PTPRN2: variants seen among roughly 807,000 people sequenced by gnomAD.
The protein encoded by PTPRN2 is protein tyrosine phosphatase receptor type N2.
A neutral mutation model predicts 118.8 loss-of-function variants in PTPRN2; 74 were observed. The observed-to-expected ratio is 0.62, with a 90% CI of 0.52 to 0.76. PTPRN2 has a LOEUF of 0.76. Among genes scored for constraint, PTPRN2 ranks in the 30% least tolerant of loss-of-function variants. PTPRN2 has a pLI of 0.00. For missense variants in PTPRN2, 1,481 were observed against 1,394.4 expected (o/e 1.06, Z -0.99); for synonymous variants, 641 against 608.0 (o/e 1.05, Z -0.80).
chr7:157,958,928 A>T (rs1409417520), intron 11 of PTPRN2, among the ~76,000 whole-genome samples: 1 of 152,252 alleles, frequency 6.6e-6, no homozygotes, highest in Non-Finnish European at 1.5e-5. Flanking sequence ...TCTCATGGGA[A>T]CCCAAACAAC....
rs1462983300 is a variant in PTPRN2, at chr7:157,881,856, G to A, written c.1788+16817C>T. ...AGGAATGAAAGTGAAGGTAAAGTTTGTGCCTGTAAACTACTAAAGAGCTAC... is the reference window on the plus strand; with the variant it reads ...AGGAATGAAAGTGAAGGTAAAGTTTATGCCTGTAAACTACTAAAGAGCTAC... On this transcript the variant is annotated intron_variant, in intron 12 of 22. Transcript: ENST00000389418. This position sits in a 1 kb window ranked among gnomAD's most constrained non-coding sequence, Gnocchi z 4.7. 6.6e-6 allele frequency among the ~76,000 whole-genome samples: 1 copy of A among 152,118 alleles called. No homozygotes were observed. The highest frequency in any genetic ancestry group is 2.4e-5 in the African/African-American group (1 of 41,414).
At chr7:157,733,080 T>G (rs1289582143) in intron 12 of PTPRN2, among the ~76,000 whole-genome samples, 1 of 35,798 alleles carries the variant, frequency 2.8e-5, no homozygotes, top group Non-Finnish European at 5.5e-5. Context: ...GCACAGTTAC[T>G]CTTCCGTCCC....
rs935743254 is a variant in PTPRN2, at chr7:157,587,167, A to G, written c.2496+8071T>C. Among the ~76,000 whole-genome samples, 5 of 151,752 alleles carry G rather than the reference A, an allele frequency of 3.3e-5. No individual in the cohort carries two copies. Among genetic ancestry groups the G allele is most frequent in the African/African-American group, 1.2e-4 (5 of 41,296 alleles). ...GGCAGACAGGCAGACAGGCAGGCAG[A>G]CAGACAAGACAGGCAGATAGAGACA... is the stretch of plus-strand genomic sequence containing the variant. On this transcript the variant is annotated intron_variant, in intron 17 of 22. Coordinates refer to ENST00000389418, the MANE Select transcript of PTPRN2 (RefSeq NM_002847.5). This position sits in a 1 kb window ranked among gnomAD's most constrained non-coding sequence, Gnocchi z 5.3.
At chr7:157,773,670 T>C (rs1389553754) in intron 12 of PTPRN2, among the ~76,000 whole-genome samples, 1 of 152,252 alleles carries the variant, frequency 6.6e-6, no homozygotes, top group Non-Finnish European at 1.5e-5. Context: ...TCCCTCTGTC[T>C]GTGTTGCCTC....
At chr7:158,379,042 G>T (rs1368057969) in intron 2 of PTPRN2, among the ~76,000 whole-genome samples, 1 of 152,140 alleles carries the variant, frequency 6.6e-6, no homozygotes, top group African/African-American at 2.4e-5. Context: ...TGCAGGGTGA[G>T]GCAGGGTGCG....
chr7:157,961,627 C>A (rs1801545130), intron 11 of PTPRN2, among the ~76,000 whole-genome samples: 2 of 152,162 alleles, frequency 1.3e-5, no homozygotes, highest in South Asian at 4.1e-4. Context: ...CCTGTCTCAG[C>A]ATTAAAGCAT....
At chr7:158,131,078 TAC>T (rs56136013) in intron 9 of PTPRN2, among the ~76,000 whole-genome samples, 96,809 of 150,482 alleles carry the variant, frequency 0.64, 31,505 homozygotes, top group African/African-American at 0.74. Flanking sequence ...CACACACTTA[TAC>T]ACACACGCAC....
chr7:158,173,932 T>C (rs1202865626), intron 5 of PTPRN2, among the ~76,000 whole-genome samples: 1 of 152,316 alleles, frequency 6.6e-6, no homozygotes, highest in South Asian at 2.1e-4. Flanking sequence ...CTTTTCAGGG[T>C]GCCCTGATTT....
chr7:158,585,091 A>C (rs534900629), intron 1 of PTPRN2, among the ~76,000 whole-genome samples: 1 of 152,360 alleles, frequency 6.6e-6, no homozygotes, highest in South Asian at 2.1e-4. Context: ...GAGCCTCATT[A>C]TTTGGAACAA....
At chr7:157,892,756 T>C (rs1369264826) in intron 12 of PTPRN2, among the ~76,000 whole-genome samples, 1 of 152,188 alleles carries the variant, frequency 6.6e-6, no homozygotes, top group Non-Finnish European at 1.5e-5. Context: ...TACCCCTTTC[T>C]CCCATTTTCA....
intron 3 of PTPRN2, among the ~76,000 whole-genome samples, chr7:158,208,729 TAGTA>T (rs1443409942): frequency 2.6e-5 from 4 of 152,016 alleles, no homozygotes; most frequent in Admixed American, 6.6e-5. Flanking sequence ...TCACTGGTAA[TAGTA>T]AGTACACAGA....
Position 157,878,214 on chromosome 7 carries a change from G to A in PTPRN2, c.1788+20459C>T, listed in dbSNP as rs1039400454. ...GAGACCTCATGCACCAGGGATCCCC[G>A]TGCTGGGCCGGCCAGTGCTCAAGAG... is the stretch of plus-strand genomic sequence containing the variant. On this transcript the variant is annotated intron_variant, in intron 12 of 22. Transcript: ENST00000389418. 4.6e-5 allele frequency among the ~76,000 whole-genome samples: 7 copies of A among 152,388 alleles called. 1 individual carries two copies. Among genetic ancestry groups the A allele is most frequent in the South Asian group, 4.1e-4 (2 of 4,828 alleles).
At chr7:157,762,083 G>T (rs1802166069) in intron 12 of PTPRN2, among the ~76,000 whole-genome samples, 1 of 151,952 alleles carries the variant, frequency 6.6e-6, no homozygotes, top group Non-Finnish European at 1.5e-5. Flanking sequence ...TCATTAAAAA[G>T]TCAGGAAACA....
intron 12 of PTPRN2, among the ~76,000 whole-genome samples, chr7:157,685,834 AGCCCC>A (rs1797159991): frequency 6.6e-6 from 1 of 152,082 alleles, no homozygotes; most frequent in Admixed American, 6.5e-5. Context: ...GGAAGCAAGG[AGCCCC>A]AGTGCCCTGG....
Position 158,167,081 on chromosome 7 carries a change from G to A in PTPRN2, c.760C>T (p.Pro254Ser). Residue 254 changes from proline (P) to serine (S), a missense_variant, in exon 6 of 23, where the codon CCC becomes TCC. Physicochemically the swap from Pro to Ser is moderately conservative, Grantham distance 74. This residue lies in a region of PTPRN2 where 1,115 missense variants were observed against 994.2 expected (regional missense o/e 1.12). Coordinates refer to ENST00000389418, the MANE Select transcript of PTPRN2 (RefSeq NM_002847.5). ...CTGCCCTCCCCGGGGGGAGCTGGGG[G>A]CCTCTGGGCAGCATAGGCACTGAGG... Reference protein sequence around the residue: ...AALSAYAAQRPPAPPGEGSLE... With the variant: ...AALSAYAAQRSPAPPGEGSLE... 2 of 1,602,846 alleles carry A rather than the reference G, an allele frequency of 1.2e-6. No individual in the cohort carries two copies. The highest frequency in any genetic ancestry group is 1.7e-6 in the Non-Finnish European group (2 of 1,173,584).
rs563290070 is a variant in PTPRN2 at position 158,347,922 on chromosome 7, C to G, written c.164-30990G>C. ...GTTGTGGCATTTGCTTGTCAAGGGC[C>G]TTGCATTCCTGGGGGTGCCCCCTCT... On this transcript the variant is annotated intron_variant, in intron 2 of 22. Transcript: ENST00000389418. Among the ~76,000 whole-genome samples, 11 of 152,166 alleles carry G rather than the reference C, an allele frequency of 7.2e-5. No homozygotes were observed. The East Asian group carries it at 1.2e-3, about 16-fold the overall frequency.
At chr7:158,112,916 G>A (rs1224559573) in intron 9 of PTPRN2, among the ~76,000 whole-genome samples, 1 of 152,104 alleles carries the variant, frequency 6.6e-6, no homozygotes, top group African/African-American at 2.4e-5. Flanking sequence ...CCGGGGAGCT[G>A]TACGACCAGA....
chr7:158,210,285 G>A (rs1352605736), intron 3 of PTPRN2, among the ~76,000 whole-genome samples: 5 of 151,698 alleles, frequency 3.3e-5, no homozygotes, highest in Admixed American at 6.6e-5. Flanking sequence ...ACAGGCGCCC[G>A]CTACCACGCC....
chr7:158,437,919 G>A (rs1338008536), intron 2 of PTPRN2, among the ~76,000 whole-genome samples: 1 of 152,204 alleles, frequency 6.6e-6, no homozygotes, highest in African/African-American at 2.4e-5. Flanking sequence ...TTTGTGTGTT[G>A]ATGACCCTAT....
Sources: allele counts gnomAD v4.1 joint callset (sites outside exome capture counted in the v4.1 genomes callset), GRCh38; gene constraint gnomAD v4.1.1; regional missense constraint gnomAD v4.1.1; non-coding constraint Gnocchi (gnomAD v3.1); transcripts MANE v1.5; gene names NCBI Gene and HGNC (gene_info 2026-07-23, HGNC 2026-07-21).